Variants in MRTFA observed in about 807,000 individuals in gnomAD.
The protein encoded by MRTFA is myocardin-related transcription factor A.
MRTFA carries 20 observed loss-of-function variants against 83.5 expected under a neutral mutation model. That is an observed-to-expected ratio of 0.24 (90% CI 0.17 to 0.35). The LOEUF (loss-of-function observed/expected upper bound fraction) is 0.35, where lower values mean the gene tolerates loss of function less well. Ranked by LOEUF, MRTFA falls within the 10% of genes least tolerant of loss-of-function variation. The pLI is 1.00. For missense variants in MRTFA, 1,200 were observed against 1,224.7 expected, an observed-to-expected ratio of 0.98 and a Z score of 0.30; for synonymous variants, 659 against 541.2, an observed-to-expected ratio of 1.22 and a Z score of -3.02.
intron 3 of MRTFA, among the ~76,000 whole-genome samples, chr22:40,481,942 C>A (rs1490510895): frequency 6.6e-6 from 1 of 151,944 alleles, no homozygotes; most frequent in Non-Finnish European, 1.5e-5. Flanking sequence ...CACCTGTAGT[C>A]CCAGCTACTC....
intron 6 of MRTFA, among the ~76,000 whole-genome samples, chr22:40,430,770 G>A (rs891314186): frequency 7.1e-6 from 1 of 141,718 alleles, no homozygotes; most frequent in African/African-American, 2.6e-5. Context: ...TGAGGCAGGA[G>A]AATCGCTTGA....
intron 3 of MRTFA, among the ~76,000 whole-genome samples, chr22:40,515,702 T>C (rs113257411): frequency 1.6e-4 from 25 of 152,066 alleles, no homozygotes; most frequent in African/African-American, 5.5e-4. Context: ...GTTGAAGAGG[T>C]AGGCAGGAAC....
chr22:40,603,016 T>C (rs896241482), intron 1 of MRTFA, among the ~76,000 whole-genome samples: 4 of 152,170 alleles, frequency 2.6e-5, no homozygotes, highest in South Asian at 4.1e-4. Context: ...GCTGAAAAAA[T>C]AGTGCCTTCC....
At chr22:40,528,555 T>C (rs1257209148) in intron 3 of MRTFA, among the ~76,000 whole-genome samples, 1 of 151,862 alleles carries the variant, frequency 6.6e-6, no homozygotes, top group African/African-American at 2.4e-5. Context: ...CTGACCAACA[T>C]GGAGAAACCC....
At chr22:40,481,963 G>A (rs1043584661) in intron 3 of MRTFA, among the ~76,000 whole-genome samples, 1 of 151,922 alleles carries the variant, frequency 6.6e-6, no homozygotes, top group Non-Finnish European at 1.5e-5. Context: ...GGGAGGCTGA[G>A]GCAGGAGAGT....
At position 40,417,057 on chromosome 22, in the gene MRTFA, A is replaced by C. The variant is rs2052695595; in HGVS notation, c.2518-11T>G. 6.3e-7 allele frequency: 1 copy of C among 1,577,158 alleles called. No individual in the cohort carries two copies. Among genetic ancestry groups the C allele is most frequent in the East Asian group, 2.3e-5 (1 of 43,762 alleles). On this transcript the variant is annotated splice_polypyrimidine_tract_variant and intron_variant, in intron 13 of 14. Coordinates refer to ENST00000355630, the MANE Select transcript of MRTFA (RefSeq NM_020831.6). ...TGAGGAACCATTTTCCTGTGGGACA[A>C]AGGAAAAAAAAAAAAGAGATAAAAA... is the stretch of plus-strand genomic sequence containing the variant.
In MRTFA at chr22:40,561,310, T is replaced by G. The variant is rs1787965607; in HGVS notation, c.-21-8943A>C. Among the ~76,000 whole-genome samples the G allele has an allele frequency of 2.6e-5, 4 of 151,954 alleles. 1 individual carries two copies. In the South Asian group the frequency reaches 8.3e-4, roughly 32 times the overall value. The stretch of plus-strand genomic sequence containing the variant: ...AGCTTACTATATATGTACTAGGTAC[T>G]GCCCTACGTCCTACTGTAGAAGATG... On this transcript the variant is annotated intron_variant, in intron 2 of 14. Coordinates refer to ENST00000355630, the MANE Select transcript of MRTFA (RefSeq NM_020831.6).
intron 1 of MRTFA, among the ~76,000 whole-genome samples, chr22:40,625,835 C>G (rs1270897153): frequency 6.6e-6 from 1 of 151,984 alleles, no homozygotes; most frequent in Non-Finnish European, 1.5e-5. Context: ...AGAATAAAAA[C>G]CCACAACCTC....
At chr22:40,431,377 G>A in intron 6 of MRTFA, 28 bp downstream of exon 6, 1 of 1,603,910 alleles carries the variant, frequency 6.2e-7, no homozygotes, top group Non-Finnish European at 8.5e-7. Flanking sequence ...ACTGGATCTA[G>A]ATGGAAAAGC....
intron 2 of MRTFA, among the ~76,000 whole-genome samples, chr22:40,562,906 C>T (rs1305444600): frequency 6.6e-6 from 1 of 152,046 alleles, no homozygotes; most frequent in Non-Finnish European, 1.5e-5. Context: ...GTGATAAATA[C>T]CCTTTGGTAA....
At chr22:40,525,425 C>G (rs1048127981) in intron 3 of MRTFA, among the ~76,000 whole-genome samples, 4 of 151,706 alleles carry the variant, frequency 2.6e-5, no homozygotes, top group Admixed American at 6.6e-5. Flanking sequence ...TGCTTGAGCC[C>G]GGGAGACAGA....
At chr22:40,550,616 C>T (rs2055429199) in intron 3 of MRTFA, among the ~76,000 whole-genome samples, 1 of 152,092 alleles carries the variant, frequency 6.6e-6, no homozygotes, top group Non-Finnish European at 1.5e-5. Flanking sequence ...CAACAAATTA[C>T]TGAAGAACAC....
intron 3 of MRTFA, among the ~76,000 whole-genome samples, chr22:40,502,058 G>A (rs2054492848): frequency 7.1e-6 from 1 of 140,752 alleles, no homozygotes; most frequent in Non-Finnish European, 1.6e-5. Context: ...CTCCCGGACG[G>A]GGTGGCTGGC....
chr22:40,583,162 T>C (rs2055975878), intron 2 of MRTFA, among the ~76,000 whole-genome samples: 1 of 152,126 alleles, frequency 6.6e-6, no homozygotes, highest in Non-Finnish European at 1.5e-5. Context: ...TAACAGACAC[T>C]ATCAATCCTC....
intron 3 of MRTFA, among the ~76,000 whole-genome samples, chr22:40,528,828 T>C (rs2055025437): frequency 2.0e-5 from 3 of 152,062 alleles, no homozygotes; most frequent in African/African-American, 7.2e-5. Flanking sequence ...ATGGCTTGAA[T>C]GTGGCCCAAC....
chr22:40,540,899 C>T (rs997278548), intron 3 of MRTFA, among the ~76,000 whole-genome samples: 4 of 151,460 alleles, frequency 2.6e-5, no homozygotes, highest in Admixed American at 6.6e-5. Context: ...GAATGAAAAG[C>T]CCTTATTTAT....
chr22:40,454,593 G>A (rs2053550521), intron 4 of MRTFA, among the ~76,000 whole-genome samples: 1 of 152,104 alleles, frequency 6.6e-6, no homozygotes, highest in South Asian at 2.1e-4. Flanking sequence ...CATCTCATTT[G>A]ATCTCCAAAC....
chr22:40,456,526 AAT>A (rs1291124251), intron 4 of MRTFA, among the ~76,000 whole-genome samples: 1 of 152,038 alleles, frequency 6.6e-6, no homozygotes, highest in Non-Finnish European at 1.5e-5. Context: ...CATTTCTACT[AAT>A]AATACAAAAA....
chr22:40,500,709 G>A (rs1049460304), intron 3 of MRTFA, among the ~76,000 whole-genome samples: 4 of 150,242 alleles, frequency 2.7e-5, no homozygotes, highest in Admixed American at 2.0e-4. Context: ...CCGGGTTGGG[G>A]GTAAGGTCAC....
Sources: allele counts gnomAD v4.1 joint callset (sites outside exome capture counted in the v4.1 genomes callset), GRCh38; gene constraint gnomAD v4.1.1; transcripts MANE v1.5; gene names NCBI Gene and HGNC (gene_info 2026-07-23, HGNC 2026-07-21).